Variants in ADGRA3 observed in about 807,000 individuals in gnomAD.
ADGRA3 encodes the protein G-protein coupled receptor 125.
ADGRA3 carries 56 observed loss-of-function variants against 119.8 expected under a neutral mutation model. The observed-to-expected ratio is 0.47, with a 90% confidence interval of 0.38 to 0.58. The LOEUF (loss-of-function observed/expected upper bound fraction) is 0.58. Among genes scored for constraint, ADGRA3 ranks in the 20% least tolerant of loss-of-function variants. The pLI is 0.00. For missense variants in ADGRA3, 1,516 were observed against 1,649.0 expected, an observed-to-expected ratio of 0.92 and a Z score of 1.40; for synonymous variants, 607 against 623.8, an observed-to-expected ratio of 0.97 and a Z score of 0.40.
intron 2 of ADGRA3, among the ~76,000 whole-genome samples, chr4:22,468,464 A>G (rs1310871205): frequency 6.6e-6 from 1 of 152,194 alleles, no homozygotes; most frequent in Non-Finnish European, 1.5e-5. Context: ...TGTCAATTCC[A>G]TAAAACGAAG....
chr4:22,502,196 G>T (rs1163446072), intron 1 of ADGRA3, among the ~76,000 whole-genome samples: 2 of 152,208 alleles, frequency 1.3e-5, no homozygotes, highest in East Asian at 3.9e-4. Flanking sequence ...AAGGGTGAAA[G>T]AATGGTTTAA....
intron 1 of ADGRA3, among the ~76,000 whole-genome samples, chr4:22,474,553 T>C (rs1717969664): frequency 2.0e-5 from 3 of 152,234 alleles, no homozygotes; most frequent in African/African-American, 4.8e-5. Flanking sequence ...TAACTTTATG[T>C]AGCTTTTGGA....
At chr4:22,453,785 AATAAAGCTGTATT>A (rs1444876623) in intron 4 of ADGRA3, among the ~76,000 whole-genome samples, 1 of 152,170 alleles carries the variant, frequency 6.6e-6, no homozygotes, top group East Asian at 1.9e-4. Context: ...TACATTTCAA[AATAAAGCTGTATT>A]ATAAGTAATC....
chr4:22,395,627 C>T (rs1714318619), intron 16 of ADGRA3, among the ~76,000 whole-genome samples: 2 of 152,158 alleles, frequency 1.3e-5, no homozygotes, highest in African/African-American at 2.4e-5. Flanking sequence ...TTTCTTCTCC[C>T]CTACGGTGTC....
intron 10 of ADGRA3, among the ~76,000 whole-genome samples, chr4:22,426,665 G>C (rs2109045611): frequency 6.6e-6 from 1 of 152,272 alleles, no homozygotes; most frequent in Middle Eastern, 3.4e-3. Context: ...AATATGCAGA[G>C]AAATATAGGA....
chr4:22,496,566 T>TA (rs1459873060), intron 1 of ADGRA3, among the ~76,000 whole-genome samples: 1 of 152,212 alleles, frequency 6.6e-6, no homozygotes, highest in Non-Finnish European at 1.5e-5. Flanking sequence ...GAACCGCTAT[T>TA]AGAATATACT....
chr4:22,387,871 C>T lies in ADGRA3; in HGVS notation c.3800G>A (p.Arg1267Lys), dbSNP rs1404905871. 4.9e-5 allele frequency: 79 copies of T among 1,614,014 alleles called. No homozygotes were observed. Among genetic ancestry groups the T allele is most frequent in the Non-Finnish European group, 6.7e-5 (79 of 1,180,012 alleles). The change falls in exon 19 of 19, where the codon AGG (arginine) becomes AAG (lysine). Residue 1267 changes from arginine (R) to lysine (K), a missense_variant. Arg to Lys is a conservative substitution (Grantham distance 26). Around this residue, in one of 2 missense-constraint regions of ADGRA3, gnomAD observed 1,088 missense variants for 1,107.1 expected, o/e 0.98. Transcript: ENST00000334304. Reference sequence around the variant, plus strand: ...TTCAAGTTCAACCACAGCTGGCTTCCTTAACGCATCTTTTTTACTAGTGGT... The same window carrying T: ...TTCAAGTTCAACCACAGCTGGCTTCTTTAACGCATCTTTTTTACTAGTGGT... ...VSTTSKKDAL[R>K]KPAVVELENQ...
intron 1 of ADGRA3, among the ~76,000 whole-genome samples, chr4:22,507,080 TA>T (rs34248497): frequency 6.7e-6 from 1 of 149,194 alleles, no homozygotes; most frequent in Non-Finnish European, 1.5e-5. Context: ...TACTAAAAAT[TA>T]AAAAAAAAAT....
chr4:22,509,162 C>T (rs1334315107), intron 1 of ADGRA3, among the ~76,000 whole-genome samples: 1 of 152,170 alleles, frequency 6.6e-6, no homozygotes, highest in Non-Finnish European at 1.5e-5. Flanking sequence ...GCGGGCTGGA[C>T]AGGAGAACTG....
chr4:22,431,541 TGGTTTTATAAGG>T (rs1041133602), intron 10 of ADGRA3, among the ~76,000 whole-genome samples: 5 of 152,226 alleles, frequency 3.3e-5, no homozygotes, highest in African/African-American at 1.2e-4. Flanking sequence ...CAAAATCTGA[TGGTTTTATAAGG>T]GGTTTTATAA....
At chr4:22,392,248 T>C (rs145297557) in intron 17 of ADGRA3, among the ~76,000 whole-genome samples, 1 of 152,214 alleles carries the variant, frequency 6.6e-6, no homozygotes, top group African/African-American at 2.4e-5. Context: ...ATAGAGCCGA[T>C]TATATGGCCA....
chr4:22,449,101 T>C (rs1716934243), intron 4 of ADGRA3, among the ~76,000 whole-genome samples: 1 of 151,840 alleles, frequency 6.6e-6, no homozygotes, highest in Non-Finnish European at 1.5e-5. Flanking sequence ...TGAAACTCCG[T>C]CTCTACTAAA....
At position 22,515,862 on chromosome 4, in the gene ADGRA3, C is replaced by G. The variant is rs1719650947; in HGVS notation, c.-78G>C. The G allele has an allele frequency of 6.3e-6, 6 of 952,850 alleles. No individual in the cohort carries two copies. The highest frequency in any genetic ancestry group is 7.5e-6 in the Non-Finnish European group (6 of 802,010). 59.0% of individuals were successfully genotyped at this position (952,850 alleles called of 1,614,324 possible). A position where few individuals can be genotyped will look rare whatever the true frequency, so the allele number is the denominator to read the frequency against. Reference sequence around the variant, plus strand: ...GCCCCGGAGCCCGGGCGGGCAGGAGCGCGGCGCGGGCCCAGCGGCGACCGG... The same window carrying G: ...GCCCCGGAGCCCGGGCGGGCAGGAGGGCGGCGCGGGCCCAGCGGCGACCGG... On this transcript the variant is annotated 5_prime_UTR_variant, in exon 1 of 19. Transcript: ENST00000334304.
At chr4:22,421,581 C>T (rs898988777) in intron 11 of ADGRA3, among the ~76,000 whole-genome samples, 2 of 152,130 alleles carry the variant, frequency 1.3e-5, no homozygotes, top group African/African-American at 4.8e-5. Context: ...CATTAAGTTT[C>T]ACCAATAAAA....
At chr4:22,510,415 C>G (rs996052696) in intron 1 of ADGRA3, among the ~76,000 whole-genome samples, 3 of 152,108 alleles carry the variant, frequency 2.0e-5, no homozygotes, top group Admixed American at 6.5e-5. Context: ...CTCTTAGCTT[C>G]CAGGATGAGA....
At chr4:22,456,830 TATGGCAAC>T (rs765113269) in intron 3 of ADGRA3, among the ~76,000 whole-genome samples, 14 of 152,202 alleles carry the variant, frequency 9.2e-5, no homozygotes, top group Non-Finnish European at 1.8e-4. Flanking sequence ...TTCCCTCTGT[TATGGCAAC>T]ATTTGATAAA....
At chr4:22,457,146 G>A (rs928153492) in intron 3 of ADGRA3, among the ~76,000 whole-genome samples, 2 of 152,118 alleles carry the variant, frequency 1.3e-5, no homozygotes, top group African/African-American at 2.4e-5. Flanking sequence ...ATTGATAATG[G>A]GTTGTTATTT....
intron 1 of ADGRA3, among the ~76,000 whole-genome samples, chr4:22,490,724 A>G (rs988635910): frequency 6.6e-5 from 10 of 152,184 alleles, no homozygotes; most frequent in African/African-American, 2.4e-4. Context: ...AAAAAGAAAA[A>G]CAAACAATAC....
At chr4:22,475,328 C>G (rs1718000083) in intron 1 of ADGRA3, among the ~76,000 whole-genome samples, 1 of 152,132 alleles carries the variant, frequency 6.6e-6, no homozygotes, top group South Asian at 2.1e-4. Flanking sequence ...AGACACAGAT[C>G]CTCCCTCATT....
Sources: gnomAD v4.1 joint callset for allele counts (sites outside exome capture counted in the v4.1 genomes callset) on GRCh38, gnomAD v4.1.1 for gene constraint, gnomAD v4.1.1 regional missense constraint, MANE v1.5 for transcripts, NCBI Gene and HGNC (gene_info 2026-07-23, HGNC 2026-07-21) for gene names.